The following ZNF766 variants were observed in gnomAD, a reference collection of about 807,000 sequenced individuals.
ZNF766 encodes zinc finger protein 766.
ZNF766 carries 13 observed loss-of-function variants against 13.2 expected under a neutral mutation model. The ratio of observed to expected loss-of-function variants is 0.98; its 90% CI spans 0.64 to 1.56. ZNF766 has a LOEUF of 1.56. Among genes scored for constraint, ZNF766 ranks in the 40% most tolerant of loss-of-function variants. The pLI, the probability that ZNF766 is intolerant of heterozygous loss-of-function variation, is 0.00. For synonymous variants in ZNF766, 178 were observed against 187.6 expected, an observed-to-expected ratio of 0.95 and a Z score of 0.42; for missense variants, 521 against 552.2, an observed-to-expected ratio of 0.94 and a Z score of 0.57.
intron 1 of ZNF766, among the ~76,000 whole-genome samples, chr19:52,279,897 A>G (rs1466683128): frequency 2.0e-5 from 3 of 148,480 alleles, no homozygotes; most frequent in African/African-American, 7.5e-5. Context: ...CTGGGTTCAA[A>G]CAGTTCTCCT....
intron 3 of ZNF766, among the ~76,000 whole-genome samples, chr19:52,286,028 T>A (rs1001605925): frequency 1.3e-5 from 2 of 151,856 alleles, no homozygotes; most frequent in Non-Finnish European, 2.9e-5. Flanking sequence ...AAATAATGGA[T>A]GTGCACCCAG....
Position 52,283,426 on chromosome 19 carries a change from A to G in ZNF766, c.274+13A>G. On this transcript the variant is annotated intron_variant, in intron 3 of 3. Transcript: ENST00000439461. ...GATATCAACACAGGTAAGAGCTCAG[A>G]TGGACAGAGTGAAAGCCACACTTTT... 1 of 1,558,694 alleles carries G rather than the reference A, an allele frequency of 6.4e-7. No homozygotes were observed. Among genetic ancestry groups the G allele is most frequent in the Non-Finnish European group, 8.7e-7 (1 of 1,153,194 alleles).
chr19:52,289,442 G>A (rs1271144193), intron 3 of ZNF766, among the ~76,000 whole-genome samples: 1 of 152,042 alleles, frequency 6.6e-6, no homozygotes, highest in Non-Finnish European at 1.5e-5. Context: ...ACCACACCTG[G>A]CCTATGCAGC....
At chr19:52,279,400 G>C (rs549997420) in intron 1 of ZNF766, among the ~76,000 whole-genome samples, 13 of 152,196 alleles carry the variant, frequency 8.5e-5, no homozygotes, top group African/African-American at 3.1e-4. Flanking sequence ...GTTTTTTCTA[G>C]TTCTGCAAAG....
intron 1 of ZNF766, chr19:52,281,796 C>T: frequency 1.9e-6 from 1 of 517,866 alleles, no homozygotes; most frequent in Non-Finnish European, 4.0e-6. Flanking sequence ...ATGTTCGACA[C>T]ACCAAGTGAT....
chr19:52,288,520 A>G (rs1288004506), intron 3 of ZNF766, among the ~76,000 whole-genome samples: 1 of 151,976 alleles, frequency 6.6e-6, no homozygotes, highest in Non-Finnish European at 1.5e-5. Flanking sequence ...AGCACACGAC[A>G]CTGTGCCTCA....
rs777844766 is a variant in ZNF766, at chr19:52,290,931, G to T, written c.1140G>T (p.Glu380Asp). ...LTVHQRNHNG[E>D]KPYKCHECGK... ...TTCATCAGAGAAATCATAATGGAGAGAAACCTTATAAATGTCATGAATGTG... is the reference window on the plus strand; with the variant it reads ...TTCATCAGAGAAATCATAATGGAGATAAACCTTATAAATGTCATGAATGTG... Residue 380 changes from glutamate (E) to aspartate (D), a missense_variant, in exon 4 of 4, where the codon GAG (glutamate) becomes GAT (aspartate). Transcript: ENST00000439461. 1 of 1,613,950 alleles carries T rather than the reference G, an allele frequency of 6.2e-7. No individual in the cohort carries two copies. Among genetic ancestry groups the T allele is most frequent in the Non-Finnish European group, 8.5e-7 (1 of 1,180,002 alleles).
intron 1 of ZNF766, chr19:52,277,074 T>A (rs1981240026): frequency 1.0e-6 from 1 of 995,632 alleles, no homozygotes; most frequent in Non-Finnish European, 1.2e-6. Flanking sequence ...CAGGGTGAGG[T>A]CTTCCCTGCG....
chr19:52,291,813 G>A lies in ZNF766; in HGVS notation c.*615G>A, dbSNP rs1022208270. 1 of 234,722 alleles carries A rather than the reference G, an allele frequency of 4.3e-6. No individual in the cohort carries two copies. The highest frequency in any genetic ancestry group is 2.3e-5 in the African/African-American group (1 of 44,068). The allele number at this position is 234,722 out of a possible 1,614,324, so 14.5% of individuals were successfully genotyped here. A position where few individuals can be genotyped will look rare whatever the true frequency, so the allele number is the denominator to read the frequency against. ...TGAAAGGCCAGGGGCAGTGGTTCATGCCTATAATCTCAGCACAATAGAAAG... is the reference window on the plus strand; with the variant it reads ...TGAAAGGCCAGGGGCAGTGGTTCATACCTATAATCTCAGCACAATAGAAAG... On this transcript the variant is annotated 3_prime_UTR_variant, in exon 4 of 4. Coordinates refer to ENST00000439461, the MANE Select transcript of ZNF766 (RefSeq NM_001010851.3).
chr19:52,283,286 A>T lies in ZNF766; in HGVS notation c.147A>T (p.Gly49=), dbSNP rs1450714503. The change falls in exon 3 of 4, where the codon GGA becomes GGT. Residue 49 remains glycine, a splice_region_variant and synonymous_variant. Transcript: ENST00000439461. The part of the protein sequence containing the change: ...LENYRNLVSL[G]ICLPDLSIIS... ...CTTGATTCTTTCTTTTATAAACAGG[A>T]ATCTGTCTTCCTGACCTGAGTATTA... is the stretch of plus-strand genomic sequence containing the variant. The T allele has an allele frequency of 1.2e-6, 2 of 1,612,576 alleles. No homozygotes were observed. The highest frequency in any genetic ancestry group is 1.7e-5 in the Admixed American group (1 of 59,742).
rs368801534 is a variant in ZNF766 at position 52,269,602 on chromosome 19, T to G, written c.-12T>G. ...AGCCGCCTGCAGACCCGGAAGTGGA[T>G]GGCGTGGAGATATGGCGCAACTGCG... On this transcript the variant is annotated 5_prime_UTR_variant, in exon 1 of 4. An upstream start codon of the reference 5' UTR is lost. Transcript: ENST00000439461. The G allele has an allele frequency of 2.5e-6, 4 of 1,612,382 alleles. No homozygotes were observed. In the African/African-American group the frequency reaches 5.3e-5, roughly 22 times the overall value.
At chr19:52,278,767 G>C (rs912986374) in intron 1 of ZNF766, among the ~76,000 whole-genome samples, 10 of 152,106 alleles carry the variant, frequency 6.6e-5, no homozygotes, top group Non-Finnish European at 1.0e-4. Flanking sequence ...GTAGATGCTG[G>C]ATATTAGACC....
chr19:52,282,778 T>C (rs1981592826), intron 2 of ZNF766, among the ~76,000 whole-genome samples: 1 of 152,154 alleles, frequency 6.6e-6, no homozygotes, highest in South Asian at 2.1e-4. Context: ...GCATAAAACC[T>C]TATGACAAAC....
Position 52,290,992 on chromosome 19 carries a change from C to G in ZNF766, c.1201C>G (p.His401Asp), listed in dbSNP as rs1303678132. Residue 401 changes from histidine (H) to aspartate (D), a missense_variant, in exon 4 of 4, where the codon CAT becomes GAT. By Grantham distance (81) the His-to-Asp change is moderately conservative (BLOSUM62 -1). Transcript: ENST00000439461. Reference sequence around the variant, plus strand: ...CACTCAAGTTTCACATCTTGCACGACATCAGAAAATTCACACTGGAGAGAA... The same window carrying G: ...CACTCAAGTTTCACATCTTGCACGAGATCAGAAAATTCACACTGGAGAGAA... Reference protein sequence around the residue: ...VFTQVSHLARHQKIHTGEKPY... With the variant: ...VFTQVSHLARDQKIHTGEKPY... 3.7e-6 allele frequency: 6 copies of G among 1,613,862 alleles called. No individual in the cohort carries two copies. Among genetic ancestry groups the G allele is most frequent in the African/African-American group, 1.3e-5 (1 of 74,874 alleles).
intron 3 of ZNF766, among the ~76,000 whole-genome samples, chr19:52,285,326 A>G (rs1170113316): frequency 6.6e-6 from 1 of 152,042 alleles, no homozygotes; most frequent in Non-Finnish European, 1.5e-5. Flanking sequence ...GTATCTGGAG[A>G]TAGGGCCAGG....
At chr19:52,289,962 C>T (rs1600204661) in intron 3 of ZNF766, 104 bp from the exon 4 acceptor site, 1 of 1,204,866 alleles carries the variant, frequency 8.3e-7, no homozygotes, top group South Asian at 1.6e-5. Context: ...GATCGTGCCA[C>T]TGCACTCCAG....
chr19:52,293,004 C>T lies in ZNF766; in HGVS notation c.*1806C>T, dbSNP rs1982218209. ...CGACAGGCCCCGGTGTGTGATGTTA[C>T]CCGCCTTGTGTCCAGGTGTTCTCAT... On this transcript the variant is annotated 3_prime_UTR_variant, in exon 4 of 4. Transcript: ENST00000439461. 6.6e-6 allele frequency: 1 copy of T among 151,794 alleles called. No homozygotes were observed. The highest frequency in any genetic ancestry group is 2.1e-4 in the South Asian group (1 of 4,808). The allele number at this position is 151,794 out of a possible 1,614,324, so 9.4% of individuals were successfully genotyped here.
At chr19:52,286,940 C>A (rs1981859226) in intron 3 of ZNF766, among the ~76,000 whole-genome samples, 1 of 151,994 alleles carries the variant, frequency 6.6e-6, no homozygotes, top group African/African-American at 2.4e-5. Flanking sequence ...GGCTCAAGTG[C>A]TTCTCCTCCC....
chr19:52,290,252 CTG>C lies in ZNF766; in HGVS notation c.462_463del (p.Val156GlnfsTer6). 4.3e-6 allele frequency: 7 copies of C among 1,613,908 alleles called. No homozygotes were observed. Among genetic ancestry groups the C allele is most frequent in the Non-Finnish European group, 5.9e-6 (7 of 1,179,862 alleles). ...GTTTCGCCACTTCAAAGAATTTACT[CTG>C]GGGTCAAAACCCACATATTTAATAA... On this transcript the variant is annotated frameshift_variant, in exon 4 of 4. Coordinates refer to ENST00000439461, the MANE Select transcript of ZNF766 (RefSeq NM_001010851.3). LOFTEE classifies it low-confidence loss of function (END_TRUNC).
Sources: allele counts gnomAD v4.1 joint callset (sites outside exome capture counted in the v4.1 genomes callset), GRCh38; gene constraint gnomAD v4.1.1; transcripts MANE v1.5; gene names NCBI Gene and HGNC (gene_info 2026-07-23, HGNC 2026-07-21).